COL18A1: variants seen among roughly 807,000 people sequenced by gnomAD.
The protein encoded by COL18A1 is collagen type XVIII alpha 1 chain.
COL18A1 carries 133 observed loss-of-function variants against 168.0 expected under a neutral mutation model. That is an observed-to-expected ratio of 0.79 (90% CI 0.69 to 0.91). COL18A1 has a LOEUF of 0.91. Among genes scored for constraint, COL18A1 ranks in the 40% least tolerant of loss-of-function variants. The probability of loss-of-function intolerance (pLI) is 0.00; values close to 1 mark genes in which losing one functional copy is unlikely to be tolerated. For missense variants in COL18A1, 2,126 were observed against 1,925.4 expected (o/e 1.10, Z -1.95); for synonymous variants, 949 against 809.0 (o/e 1.17, Z -2.94).
intron 18 of COL18A1, 134 bp downstream of exon 18, chr21:45,488,578 T>C: frequency 3.0e-6 from 4 of 1,323,698 alleles, no homozygotes; most frequent in Non-Finnish European, 4.3e-6. Context: ...CTGGGAAGTT[T>C]GCAAAATACA....
chr21:45,492,817 C>T (rs991356207), intron 24 of COL18A1, 104 bp downstream of exon 24: 43 of 879,472 alleles, frequency 4.9e-5, no homozygotes, highest in African/African-American at 4.3e-4. Flanking sequence ...TTGTCAGGCC[C>T]GAGGGATAGC....
Position 45,495,358 on chromosome 21 carries a change from G to C in COL18A1, c.2434G>C (p.Gly812Arg). ...KGEIGFPGRP[G>R]RPGMNGLKGE... ...CCCCACCCCCTGTGCTCCGCCCCAGGGTCGCCCCGGGATGAACGGATTGAA... is the reference window on the plus strand; with the variant it reads ...CCCCACCCCCTGTGCTCCGCCCCAGCGTCGCCCCGGGATGAACGGATTGAA... The change falls in exon 29 of 42, where the codon GGT becomes CGT. Residue 812 changes from glycine (G) to arginine (R), a missense_variant and splice_region_variant. Transcript: ENST00000651438. 6.2e-7 allele frequency: 1 copy of C among 1,608,156 alleles called. No homozygotes were observed. Among genetic ancestry groups the C allele is most frequent in the Non-Finnish European group, 8.5e-7 (1 of 1,177,328 alleles).
chr21:45,487,296 G>C (rs960259941), intron 16 of COL18A1, 151 bp from the exon 17 acceptor site: 1 of 948,962 alleles, frequency 1.1e-6, no homozygotes, highest in South Asian at 1.4e-5. Flanking sequence ...CCTGCCACCA[G>C]GTAGACAGTC....
chr21:45,482,809 C>T lies in COL18A1; in HGVS notation c.1689C>T (p.Ala563=). The change falls in exon 15 of 42, where the codon GCC becomes GCT. Residue 563 remains alanine (A), a synonymous_variant. Coordinates refer to ENST00000651438, the MANE Select transcript of COL18A1 (RefSeq NM_001379500.1). ...GQKGSLGEAG[A]PGHKGSKGAP... is the part of the protein sequence containing the mutation. ...TTTCCGTACAGGGTGAAGCAGGCGC[C>T]CCAGGACATAAGGTACAAGCAGAAT... is the stretch of plus-strand genomic sequence containing the variant. 2 of 1,614,166 alleles carry T rather than the reference C, an allele frequency of 1.2e-6. No individual in the cohort carries two copies. The highest frequency in any genetic ancestry group is 2.2e-5 in the East Asian group (1 of 44,870).
rs746322162 is a variant in COL18A1, at chr21:45,490,262, G to A, written c.1960-13G>A. The A allele has an allele frequency of 3.8e-6, 6 of 1,572,988 alleles. No homozygotes were observed. The African/African-American group carries it at 8.1e-5, about 21-fold the overall frequency. ...GTGGCCAATGCCCTGCGTCCTCCAT[G>A]TGACCCTTTCAGGGAGAAGTTGGAG... On this transcript the variant is annotated splice_polypyrimidine_tract_variant and intron_variant, in intron 19 of 41. Transcript: ENST00000651438.
chr21:45,430,182 G>T (rs898486117), intron 2 of COL18A1, among the ~76,000 whole-genome samples: 2 of 151,546 alleles, frequency 1.3e-5, no homozygotes, highest in African/African-American at 4.9e-5. Flanking sequence ...GTGGGGTCAT[G>T]GTTTGGGGGC....
rs188110494 is a variant in COL18A1, at chr21:45,501,589, G to A, written c.2684-2422G>A. ...CTTAGGTGCGTCCAGGGCATCCTCA[G>A]CCCTCACACTGCAGCCGCAGGGGCC... On this transcript the variant is annotated intron_variant, in intron 32 of 41. Coordinates refer to ENST00000651438, the MANE Select transcript of COL18A1 (RefSeq NM_001379500.1). 2.6e-5 allele frequency among the ~76,000 whole-genome samples: 4 copies of A among 152,262 alleles called. No individual in the cohort carries two copies. In the East Asian group the frequency reaches 7.7e-4, roughly 29 times the overall value.
chr21:45,456,468 GGCCGGGTCTTGCTAATAACTCT>G (rs931441771), intron 2 of COL18A1: 1 of 1,545,722 alleles, frequency 6.5e-7, no homozygotes, highest in Non-Finnish European at 8.8e-7. Flanking sequence ...AACTCTGTGG[GGCCGGGTCTTGCTAATAACTCT>G]GCCCTGCTCG....
intron 3 of COL18A1, among the ~76,000 whole-genome samples, chr21:45,470,425 CTTTTTT>C (rs1195744330): frequency 0.014 from 519 of 37,118 alleles, 3 homozygotes; most frequent in Middle Eastern, 0.067. Flanking sequence ...TTTACCTTGT[CTTTTTT>C]TTTTTTTTTT....
At chr21:45,490,713 C>T in intron 20 of COL18A1, 123 bp from the exon 21 acceptor site, 1 of 1,067,042 alleles carries the variant, frequency 9.4e-7, no homozygotes, top group Middle Eastern at 2.0e-4. Context: ...TGGCTGCCTC[C>T]CTCCCAGGCC....
At chr21:45,505,101 T>G in intron 34 of COL18A1, 33 bp from the exon 35 acceptor site, 1 of 1,601,066 alleles carries the variant, frequency 6.2e-7, no homozygotes, top group Non-Finnish European at 8.5e-7. Flanking sequence ...GGGCACGAGG[T>G]AACCAGGAAG....
rs1602671054 is a variant in COL18A1, at chr21:45,512,824, G to GC, written c.*430dup. On this transcript the variant is annotated 3_prime_UTR_variant, in exon 42 of 42. Coordinates refer to ENST00000651438, the MANE Select transcript of COL18A1 (RefSeq NM_001379500.1). ...AAAACCCAGACCTGTTAGCAGACAG[G>GC]CCCCGTGAGGCAATGGGAGCTGAGG... is the stretch of plus-strand genomic sequence containing the variant. 1 of 290,874 alleles carries GC rather than the reference G, an allele frequency of 3.4e-6. No individual in the cohort carries two copies. The highest frequency in any genetic ancestry group is 6.7e-6 in the Non-Finnish European group (1 of 150,086). 18.0% of individuals were successfully genotyped at this position (290,874 alleles called of 1,614,324 possible). A position where few individuals can be genotyped will look rare whatever the true frequency, so the allele number is the denominator to read the frequency against.
At chr21:45,426,788 C>A (rs1002459320) in intron 2 of COL18A1, among the ~76,000 whole-genome samples, 4 of 152,252 alleles carry the variant, frequency 2.6e-5, no homozygotes, top group African/African-American at 9.6e-5. Flanking sequence ...CATTCTGGGG[C>A]CTCCTCTCTG....
At chr21:45,466,097 C>T (rs977911617) in intron 2 of COL18A1, among the ~76,000 whole-genome samples, 6 of 152,126 alleles carry the variant, frequency 3.9e-5, no homozygotes, top group East Asian at 1.9e-4. Flanking sequence ...CTGGAAAGTC[C>T]GGCTTCTGGG....
rs1347466403 is a variant in COL18A1 at position 45,487,479 on chromosome 21, G to C, written c.1866G>C (p.Trp622Cys). 2.5e-6 allele frequency: 4 copies of C among 1,613,014 alleles called. No homozygotes were observed. In the African/African-American group the frequency reaches 5.3e-5, roughly 22 times the overall value. The stretch of plus-strand genomic sequence containing the variant: ...TGGAAGGCTCCGGGGGGCCCTTCTG[G>C]TCAACAGCCCGAAGCGCTGATGGGC... The part of the protein sequence containing the change: ...DDMEGSGGPF[W>C]STARSADGPQ... Residue 622 changes from tryptophan to cysteine, a missense_variant, in exon 17 of 42, where the codon TGG becomes TGC. By Grantham distance (215) the Trp-to-Cys change is radical. Transcript: ENST00000651438.
intron 2 of COL18A1, chr21:45,420,596 G>T (rs1480641527): frequency 6.6e-6 from 1 of 152,232 alleles, no homozygotes; most frequent in Admixed American, 6.5e-5. Flanking sequence ...TAGAGAACCA[G>T]GGGAAAGGTC....
chr21:45,410,927 G>T (rs539859388), intron 2 of COL18A1, among the ~76,000 whole-genome samples: 2 of 152,044 alleles, frequency 1.3e-5, no homozygotes, highest in African/African-American at 4.8e-5. Flanking sequence ...TGGAGGCCTC[G>T]TCTGGACACA....
intron 28 of COL18A1, 31 bp from the exon 29 acceptor site, chr21:45,495,327 A>G (rs1306174016): frequency 1.3e-6 from 2 of 1,573,274 alleles, no homozygotes; most frequent in South Asian, 1.1e-5. Context: ...ATCAGTGCCC[A>G]GCAGTCCCCA....
intron 2 of COL18A1, among the ~76,000 whole-genome samples, chr21:45,409,685 C>T (rs1010777580): frequency 7.9e-5 from 12 of 152,244 alleles, no homozygotes; most frequent in African/African-American, 2.7e-4. Flanking sequence ...GGTGCCTGAG[C>T]GCAGACCCTG....
Sources: allele counts gnomAD v4.1 joint callset (sites outside exome capture counted in the v4.1 genomes callset), GRCh38; gene constraint gnomAD v4.1.1; transcripts MANE v1.5; gene names NCBI Gene and HGNC (gene_info 2026-07-23, HGNC 2026-07-21).